SLC2A14: variants seen among roughly 807,000 people sequenced by gnomAD.
SLC2A14 encodes solute carrier family 2 member 14, also known as solute carrier family 2, facilitated glucose transporter member 14.
Under a neutral mutation model 43.0 loss-of-function variants are expected in SLC2A14, and 13 were observed. The observed-to-expected ratio is 0.30, with a 90% CI of 0.20 to 0.48. The LOEUF is 0.48. Ranked by LOEUF, SLC2A14 falls within the 20% of genes least tolerant of loss-of-function variation. The pLI is 0.99. For synonymous variants in SLC2A14, 190 were observed against 233.8 expected, an observed-to-expected ratio of 0.81 and a Z score of 1.71; for missense variants, 428 against 620.4, an observed-to-expected ratio of 0.69 and a Z score of 3.29.
At chr12:7,826,681 G>A (rs966150308) in intron 7 of SLC2A14, among the ~76,000 whole-genome samples, 1 of 151,886 alleles carries the variant, frequency 6.6e-6, no homozygotes, top group African/African-American at 2.4e-5. Context: ...GGAATACAAG[G>A]GTTACCTGTC....
intron 2 of SLC2A14, among the ~76,000 whole-genome samples, chr12:7,843,963 CTT>C (rs1460634716): frequency 7.4e-6 from 1 of 134,398 alleles, no homozygotes; most frequent in Non-Finnish European, 1.7e-5. Flanking sequence ...TTATTGTTGT[CTT>C]TTCTTTTATT....
chr12:7,843,068 A>C (rs1244540195), intron 2 of SLC2A14, among the ~76,000 whole-genome samples: 1 of 151,896 alleles, frequency 6.6e-6, no homozygotes, highest in African/African-American at 2.4e-5. Flanking sequence ...TAAAATAATC[A>C]CCTCATGGAG....
intron 7 of SLC2A14, among the ~76,000 whole-genome samples, chr12:7,824,817 T>C (rs1397835070): frequency 2.6e-5 from 4 of 151,486 alleles, no homozygotes; most frequent in African/African-American, 7.3e-5. Flanking sequence ...GACTGATTGA[T>C]TGATTGATTG....
At position 7,828,788 on chromosome 12, in the gene SLC2A14, G is replaced by C. The variant is rs758291361; in HGVS notation, c.592C>G (p.Leu198Val). 1 of 1,614,166 alleles carries C rather than the reference G, an allele frequency of 6.2e-7. No homozygotes were observed. Residue 198 changes from leucine (L) to valine (V), a missense_variant, in exon 6 of 11, where the codon CTG becomes GTG. Leu to Val is a conservative substitution (Grantham distance 32, BLOSUM62 1). This residue lies in a region of SLC2A14 where 185 missense variants were observed against 275.4 expected (regional missense o/e 0.67). Transcript: ENST00000431042. Reference protein sequence around the residue: ...LLGFTILPAILQSAALPCCPE... With the variant: ...LLGFTILPAIVQSAALPCCPE... ...CAACATGGAAGGGCTGCACTTTGCA[G>C]GATAGCTGGAAGGATGGTAAAGCCT... is the stretch of plus-strand genomic sequence containing the variant.
chr12:7,821,470 G>A, intron 7 of SLC2A14, 145 bp from the exon 8 acceptor site: 1 of 641,152 alleles, frequency 1.6e-6, no homozygotes, highest in Non-Finnish European at 2.8e-6. Flanking sequence ...ATCGCCTGAG[G>A]TCAGGAGTTT....
chr12:7,835,058 C>T (rs1393079851), intron 2 of SLC2A14, among the ~76,000 whole-genome samples: 2 of 149,922 alleles, frequency 1.3e-5, no homozygotes, highest in African/African-American at 4.9e-5. Context: ...GACACCTATG[C>T]TGTGTCATTT....
intron 1 of SLC2A14, among the ~76,000 whole-genome samples, chr12:7,871,688 C>G (rs1945243526): frequency 6.6e-6 from 1 of 152,012 alleles, no homozygotes; most frequent in African/African-American, 2.4e-5. Context: ...ACAGCCATTC[C>G]TGGGCTGCTC....
At chr12:7,862,264 C>T (rs1329005102) in intron 2 of SLC2A14, among the ~76,000 whole-genome samples, 1 of 58,922 alleles carries the variant, frequency 1.7e-5, no homozygotes, top group Non-Finnish European at 3.1e-5. Flanking sequence ...ACTTGTCTCT[C>T]AAAAAAAAAA....
At chr12:7,850,678 G>GC (rs924426439) in intron 2 of SLC2A14, 2 of 152,242 alleles carry the variant, frequency 1.3e-5, no homozygotes, top group Admixed American at 1.3e-4. Flanking sequence ...ACAGGCGTGA[G>GC]CCGCCAGGCC....
intron 10 of SLC2A14, among the ~76,000 whole-genome samples, chr12:7,817,109 CTAT>C (rs1188606715): frequency 1.3e-5 from 2 of 151,712 alleles, no homozygotes; most frequent in Non-Finnish European, 1.5e-5. Flanking sequence ...TACTGTATTA[CTAT>C]TATTATTATA....
intron 9 of SLC2A14, among the ~76,000 whole-genome samples, chr12:7,818,583 G>A (rs1349495855): frequency 6.6e-6 from 1 of 152,002 alleles, no homozygotes; most frequent in Admixed American, 6.6e-5. Context: ...AATCAATGAA[G>A]CCTGGGAGGC....
upstream of SLC2A14, among the ~76,000 whole-genome samples, chr12:7,877,728 A>C (rs1384371817): frequency 6.6e-6 from 1 of 151,934 alleles, no homozygotes; most frequent in Non-Finnish European, 1.5e-5. Context: ...CCCAGCAAAA[A>C]AATTGTTTTA....
rs145681771 is a variant in SLC2A14 at position 7,835,793 on chromosome 12, G to A, written c.19-2979C>T. On this transcript the variant is annotated intron_variant, in intron 2 of 10. Transcript: ENST00000431042. ...CTGCTCTAAAACTTTGCTTGCATCT[G>A]TAATAGTCCTCATAAAGAACGACTT... Among the ~76,000 whole-genome samples the A allele has an allele frequency of 5.8e-3, 890 of 152,302 alleles. 6 individuals carry two copies. Among genetic ancestry groups the A allele is most frequent in the African/African-American group, 0.021 (869 of 41,544 alleles).
At chr12:7,866,791 G>T (rs1218268000) in intron 2 of SLC2A14, among the ~76,000 whole-genome samples, 5 of 152,170 alleles carry the variant, frequency 3.3e-5, no homozygotes, top group Non-Finnish European at 7.3e-5. Context: ...AAAGTACAAG[G>T]TAGGTGAAGC....
intron 7 of SLC2A14, among the ~76,000 whole-genome samples, chr12:7,822,848 T>C (rs961374026): frequency 1.3e-5 from 2 of 152,138 alleles, no homozygotes; most frequent in African/African-American, 4.8e-5. Flanking sequence ...CCCAGCTAAA[T>C]GCTTTTTTAA....
chr12:7,855,162 C>A (rs950011531), intron 2 of SLC2A14, among the ~76,000 whole-genome samples: 1 of 152,106 alleles, frequency 6.6e-6, no homozygotes, highest in Non-Finnish European at 1.5e-5. Flanking sequence ...TCTGTCCAGT[C>A]TTCATCACTT....
intron 2 of SLC2A14, among the ~76,000 whole-genome samples, chr12:7,859,072 T>C (rs1944402643): frequency 6.6e-6 from 1 of 152,092 alleles, no homozygotes; most frequent in South Asian, 2.1e-4. Flanking sequence ...CCCCATTGAA[T>C]AATCTTGGCA....
intron 2 of SLC2A14, among the ~76,000 whole-genome samples, chr12:7,863,843 A>T (rs1485768442): frequency 2.1e-5 from 3 of 144,562 alleles, no homozygotes; most frequent in Non-Finnish European, 4.5e-5. Context: ...TTTGAGACGG[A>T]GTCTCACTGT....
At chr12:7,886,109 G>T (rs1423401300) in intron 1 of SLC2A14, among the ~76,000 whole-genome samples, 1 of 143,962 alleles carries the variant, frequency 6.9e-6, no homozygotes, top group African/African-American at 2.5e-5. Context: ...TCAGCCTCCT[G>T]AGTAGCTGGG....
Sources: gnomAD v4.1 joint callset for allele counts (sites outside exome capture counted in the v4.1 genomes callset) on GRCh38, gnomAD v4.1.1 for gene constraint, gnomAD v4.1.1 regional missense constraint, MANE v1.5 for transcripts, NCBI Gene and HGNC (gene_info 2026-07-23, HGNC 2026-07-21) for gene names.